COG6: variants seen among roughly 807,000 people sequenced by gnomAD.
COG6 encodes conserved oligomeric Golgi complex subunit 6.
COG6 carries 74 observed loss-of-function variants against 88.8 expected under a neutral mutation model. The ratio of observed to expected loss-of-function variants is 0.83; its 90% CI spans 0.69 to 1.01. The LOEUF is 1.01. Ranked by LOEUF, COG6 falls within the 50% of genes least tolerant of loss-of-function variation. The probability of loss-of-function intolerance (pLI) is 0.00; values close to 1 mark genes in which losing one functional copy is unlikely to be tolerated. For synonymous variants in COG6, 286 were observed against 278.7 expected (o/e 1.03, Z -0.26); for missense variants, 800 against 797.9 (o/e 1.00, Z -0.03).
intron 11 of COG6, among the ~76,000 whole-genome samples, chr13:39,691,678 AT>A (rs1253274835): frequency 6.6e-6 from 1 of 151,642 alleles, no homozygotes; most frequent in South Asian, 2.1e-4. Context: ...TATTTTAAGA[AT>A]TTTTTTTCTG....
chr13:39,745,999 C>T (rs1880325047), intron 18 of COG6, among the ~76,000 whole-genome samples: 1 of 151,978 alleles, frequency 6.6e-6, no homozygotes, highest in East Asian at 1.9e-4. Flanking sequence ...AACCAAACAC[C>T]ACGTGTTCTC....
chr13:39,790,054 G>C (rs971041764), exon 19 of COG6: 2 of 152,084 alleles, frequency 1.3e-5, no homozygotes, highest in Admixed American at 6.6e-5. Flanking sequence ...AGGTTATATT[G>C]ACTAACCTTC....
At chr13:39,789,364 T>C (rs1881869915) in exon 19 of COG6, 1 of 152,276 alleles carries the variant, frequency 6.6e-6, no homozygotes. Context: ...GCAGCAATGA[T>C]GTACCTGTTA....
intron 18 of COG6, among the ~76,000 whole-genome samples, chr13:39,785,168 C>G (rs1304300403): frequency 6.6e-6 from 1 of 152,158 alleles, no homozygotes; most frequent in African/African-American, 2.4e-5. Flanking sequence ...TGAAGGTCAT[C>G]AAAAGAGGTG....
intron 18 of COG6, among the ~76,000 whole-genome samples, chr13:39,732,558 T>C (rs1054859424): frequency 5.9e-5 from 9 of 152,106 alleles, no homozygotes; most frequent in African/African-American, 1.4e-4. Context: ...CCTTAGAGAA[T>C]AGGGGATTTT....
intron 13 of COG6, among the ~76,000 whole-genome samples, chr13:39,710,947 A>T (rs1878205784): frequency 1.3e-5 from 2 of 152,016 alleles, no homozygotes; most frequent in Non-Finnish European, 2.9e-5. Flanking sequence ...CTTATAAAAC[A>T]GCATATCTAA....
intron 13 of COG6, among the ~76,000 whole-genome samples, chr13:39,704,669 G>A (rs905061132): frequency 6.6e-6 from 1 of 152,108 alleles, no homozygotes; most frequent in East Asian, 1.9e-4. Flanking sequence ...GTAATGGATA[G>A]TAAAAGGCAA....
intron 4 of COG6, among the ~76,000 whole-genome samples, chr13:39,675,129 A>G (rs568571540): frequency 2.1e-4 from 32 of 152,268 alleles, no homozygotes; most frequent in Middle Eastern, 3.4e-3. Flanking sequence ...TTGCACAAAC[A>G]TAATCTTAAA....
intron 4 of COG6, among the ~76,000 whole-genome samples, chr13:39,666,946 CCTTAT>C (rs1460020384): frequency 6.6e-6 from 1 of 152,084 alleles, no homozygotes; most frequent in Admixed American, 6.5e-5. Context: ...GGAACATGTA[CCTTAT>C]CTTAGACCTG....
At chr13:39,707,496 G>C (rs1424045409) in intron 13 of COG6, among the ~76,000 whole-genome samples, 1 of 152,102 alleles carries the variant, frequency 6.6e-6, no homozygotes, top group African/African-American at 2.4e-5. Flanking sequence ...GTTTGTATTT[G>C]CATATGCTCA....
chr13:39,679,627 A>G lies in COG6; in HGVS notation c.623+7A>G, dbSNP rs772912639. 6.4e-6 allele frequency: 10 copies of G among 1,556,554 alleles called. No individual in the cohort carries two copies. The highest frequency in any genetic ancestry group is 8.9e-6 in the Non-Finnish European group (10 of 1,127,690). ...CAAATCAACAAACGGCAGGGTGAGT[A>G]ACTGCTCACTGAACTAATTGCATTG... On this transcript the variant is annotated splice_region_variant and intron_variant, in intron 6 of 18. Coordinates refer to ENST00000455146, the MANE Select transcript of COG6 (RefSeq NM_020751.3).
Position 39,665,036 on chromosome 13 carries a change from T to C in COG6, c.370-60T>C. On this transcript the variant is annotated intron_variant, in intron 3 of 18. Transcript: ENST00000455146. ...CTAAATTGCAGTAAGTGGTAGTATT[T>C]GTTTTCTGAAATATAATAAAATTGG... 6.1e-6 allele frequency: 5 copies of C among 824,456 alleles called. No individual in the cohort carries two copies. In the South Asian group the frequency reaches 7.1e-5, roughly 12 times the overall value. 51.1% of individuals were successfully genotyped at this position (824,456 alleles called of 1,614,324 possible).
At chr13:39,664,643 A>G (rs74565664) in intron 3 of COG6, among the ~76,000 whole-genome samples, 127 of 152,292 alleles carry the variant, frequency 8.3e-4, no homozygotes, top group African/African-American at 3.0e-3. Flanking sequence ...GGTAGTTTGT[A>G]TATTACAACT....
chr13:39,781,650 C>A (rs1457139773), intron 18 of COG6, among the ~76,000 whole-genome samples: 1 of 152,014 alleles, frequency 6.6e-6, no homozygotes, highest in Non-Finnish European at 1.5e-5. Flanking sequence ...TTCTCCCACC[C>A]CAATTCCCCC....
At chr13:39,700,354 G>C (rs7337797) in intron 13 of COG6, among the ~76,000 whole-genome samples, 9,419 of 151,876 alleles carry the variant, frequency 0.062, 382 homozygotes, top group Non-Finnish European at 0.094. Context: ...TCCAGAATAC[G>C]TGGTCAATCT....
At chr13:39,714,825 A>T (rs1489033053) in intron 13 of COG6, among the ~76,000 whole-genome samples, 1 of 152,206 alleles carries the variant, frequency 6.6e-6, no homozygotes, top group Non-Finnish European at 1.5e-5. Context: ...ACATGTGTTT[A>T]TTGCAGCACG....
chr13:39,762,596 A>G (rs1483779258), intron 18 of COG6, among the ~76,000 whole-genome samples: 1 of 151,544 alleles, frequency 6.6e-6, no homozygotes, highest in East Asian at 1.9e-4. Flanking sequence ...ACATGGATAC[A>G]TGTATCAAAA....
At chr13:39,767,446 A>C (rs1881198351) in intron 18 of COG6, among the ~76,000 whole-genome samples, 1 of 152,184 alleles carries the variant, frequency 6.6e-6, no homozygotes, top group Non-Finnish European at 1.5e-5. Context: ...GGAGGTGAGT[A>C]GGTGACATTT....
intron 18 of COG6, among the ~76,000 whole-genome samples, chr13:39,741,848 CAGAG>C (rs1459801454): frequency 1.3e-5 from 2 of 151,956 alleles, no homozygotes; most frequent in East Asian, 3.9e-4. Flanking sequence ...TAAGAGCAGC[CAGAG>C]AGAAAGGTCG....
Sources: allele counts gnomAD v4.1 joint callset (sites outside exome capture counted in the v4.1 genomes callset), GRCh38; gene constraint gnomAD v4.1.1; transcripts MANE v1.5; gene names NCBI Gene and HGNC (gene_info 2026-07-23, HGNC 2026-07-21).